The following NFIA variants were observed in gnomAD, a reference collection of about 807,000 sequenced individuals.
NFIA encodes nuclear factor I A.
In NFIA, 8 loss-of-function variants were observed where a neutral mutation model predicts 62.8. The observed-to-expected ratio is 0.13, with a 90% CI of 0.07 to 0.23. The LOEUF (loss-of-function observed/expected upper bound fraction) is 0.23. Ranked by LOEUF, NFIA falls within the 10% of genes least tolerant of loss-of-function variation. NFIA has a pLI of 1.00. For missense variants in NFIA, 410 were observed against 642.1 expected (o/e 0.64, Z 3.91); for synonymous variants, 235 against 238.1 (o/e 0.99, Z 0.12).
At chr1:61,270,776 G>T (rs574958429) in intron 2 of NFIA, among the ~76,000 whole-genome samples, 82 of 152,310 alleles carry the variant, frequency 5.4e-4, no homozygotes, top group African/African-American at 1.9e-3. Context: ...TTTTAAGCAG[G>T]TCTTTGTTTA....
At chr1:61,110,472 T>TATAC (rs145042296) in intron 2 of NFIA, among the ~76,000 whole-genome samples, 2 of 151,958 alleles carry the variant, frequency 1.3e-5, no homozygotes, top group Admixed American at 6.6e-5. Flanking sequence ...CAAATATATA[T>TATAC]ACACACACAC....
chr1:61,222,066 A>G (rs1195541234), intron 2 of NFIA, among the ~76,000 whole-genome samples: 1 of 152,158 alleles, frequency 6.6e-6, no homozygotes, highest in Non-Finnish European at 1.5e-5. Context: ...TACTTTTAAA[A>G]TAAGTTATGT....
intron 3 of NFIA, among the ~76,000 whole-genome samples, chr1:61,279,595 A>C (rs906620202): frequency 6.6e-6 from 1 of 152,146 alleles, no homozygotes; most frequent in Non-Finnish European, 1.5e-5. Flanking sequence ...CTCCCTAAAG[A>C]TGTCTCCAGA....
chr1:61,237,440 A>G (rs941140739), intron 2 of NFIA, among the ~76,000 whole-genome samples: 2 of 152,196 alleles, frequency 1.3e-5, no homozygotes, highest in Non-Finnish European at 2.9e-5. Flanking sequence ...TTGACAATTG[A>G]CTGATAAATC....
chr1:61,101,808 A>G (rs902950905), intron 2 of NFIA, among the ~76,000 whole-genome samples: 1 of 152,214 alleles, frequency 6.6e-6, no homozygotes, highest in Non-Finnish European at 1.5e-5. Context: ...TACTACATTC[A>G]GACAGAAAGC....
At chr1:61,121,490 GAATT>G (rs1646886577) in intron 2 of NFIA, among the ~76,000 whole-genome samples, 1 of 152,090 alleles carries the variant, frequency 6.6e-6, no homozygotes, top group Non-Finnish European at 1.5e-5. Context: ...TTTTGCCCTG[GAATT>G]AATTTTCAGT....
intron 6 of NFIA, among the ~76,000 whole-genome samples, chr1:61,379,928 T>C (rs1252419913): frequency 2.0e-5 from 3 of 152,144 alleles, no homozygotes; most frequent in Non-Finnish European, 4.4e-5. Flanking sequence ...TTCAAGGTTT[T>C]CTTGTTGAAC....
At chr1:61,405,599 C>G (rs1481647362) in intron 8 of NFIA, among the ~76,000 whole-genome samples, 1 of 152,022 alleles carries the variant, frequency 6.6e-6, no homozygotes, top group African/African-American at 2.4e-5. Flanking sequence ...TCTTGGGAAA[C>G]AATGAAAAAA....
At chr1:61,126,936 C>T (rs1263653883) in intron 2 of NFIA, among the ~76,000 whole-genome samples, 1 of 151,170 alleles carries the variant, frequency 6.6e-6, no homozygotes, top group African/African-American at 2.4e-5. Context: ...AGATGTGTAC[C>T]ACCACGTCCG....
intron 3 of NFIA, among the ~76,000 whole-genome samples, chr1:61,287,278 T>C (rs954191389): frequency 2.6e-5 from 4 of 152,224 alleles, no homozygotes; most frequent in African/African-American, 7.2e-5. Context: ...TGATTTGTCA[T>C]GGCAGTATCT....
At chr1:61,291,397 A>C (rs986727144) in intron 3 of NFIA, among the ~76,000 whole-genome samples, 2 of 152,220 alleles carry the variant, frequency 1.3e-5, no homozygotes, top group Admixed American at 6.5e-5. Flanking sequence ...TAGCCCAATC[A>C]CATGTAAGTG....
Position 61,460,765 on chromosome 1 carries a change from C to T in NFIA, c.*5445C>T, listed in dbSNP as rs960455040. On this transcript the variant is annotated 3_prime_UTR_variant, in exon 11 of 11. Coordinates refer to ENST00000403491, the MANE Select transcript of NFIA (RefSeq NM_001134673.4). ...GCCTTCGCTGTCTGTCAGTCAGGACCTTCTGGTATAGGTGATGTAAAATAA... is the reference window on the plus strand; with the variant it reads ...GCCTTCGCTGTCTGTCAGTCAGGACTTTCTGGTATAGGTGATGTAAAATAA... The T allele has an allele frequency of 1.3e-5, 2 of 152,180 alleles. No homozygotes were observed. The highest frequency in any genetic ancestry group is 4.8e-5 in the African/African-American group (2 of 41,422). The allele number at this position is 152,180 out of a possible 1,614,324, so 9.4% of individuals were successfully genotyped here.
intron 7 of NFIA, among the ~76,000 whole-genome samples, chr1:61,401,227 G>A: frequency 6.6e-6 from 1 of 152,096 alleles, no homozygotes; most frequent in East Asian, 1.9e-4. Context: ...GAAACTACAG[G>A]CTAAATGATT....
Position 61,244,670 on chromosome 1 carries a change from CAG to C in NFIA, c.560-32849_560-32848del, listed in dbSNP as rs761763871. Among the ~76,000 whole-genome samples, 5 of 152,116 alleles carry C rather than the reference CAG, an allele frequency of 3.3e-5. No homozygotes were observed. The East Asian group carries it at 9.6e-4, about 29-fold the overall frequency. ...TTTAAGTAGGATTCAAATAATGTGA[CAG>C]TGTTTTCATAATTGGTATTGATTAT... On this transcript the variant is annotated intron_variant, in intron 2 of 10. Coordinates refer to ENST00000403491, the MANE Select transcript of NFIA (RefSeq NM_001134673.4).
chr1:61,343,758 G>C (rs772358178), intron 4 of NFIA, among the ~76,000 whole-genome samples: 10 of 152,218 alleles, frequency 6.6e-5, no homozygotes, highest in Non-Finnish European at 1.2e-4. Flanking sequence ...AGGAGTTGCT[G>C]AAGACTGTGG....
At chr1:61,229,816 A>G (rs1654558773) in intron 2 of NFIA, among the ~76,000 whole-genome samples, 2 of 152,222 alleles carry the variant, frequency 1.3e-5, no homozygotes, top group African/African-American at 4.8e-5. Context: ...ATTGATTCCA[A>G]ATTTTTTAAA....
At chr1:61,189,699 C>T (rs759431727) in intron 2 of NFIA, among the ~76,000 whole-genome samples, 13 of 152,014 alleles carry the variant, frequency 8.6e-5, no homozygotes, top group Non-Finnish European at 1.9e-4. Context: ...CCATAGGTTG[C>T]GTCTCCAGCT....
chr1:61,112,276 A>G (rs1646706786), intron 2 of NFIA, among the ~76,000 whole-genome samples: 1 of 152,086 alleles, frequency 6.6e-6, no homozygotes, highest in South Asian at 2.1e-4. Flanking sequence ...TTTTTAGTAT[A>G]CTTTTAAAAT....
chr1:61,363,616 A>AAT (rs1663422382), intron 6 of NFIA, among the ~76,000 whole-genome samples: 1 of 150,814 alleles, frequency 6.6e-6, no homozygotes, highest in South Asian at 2.1e-4. Context: ...AAAAAAAAAA[A>AAT]TTATAATAAG....
Sources: allele counts gnomAD v4.1 joint callset (sites outside exome capture counted in the v4.1 genomes callset), GRCh38; gene constraint gnomAD v4.1.1; transcripts MANE v1.5; gene names NCBI Gene and HGNC (gene_info 2026-07-23, HGNC 2026-07-21).